LOC400499: variants seen among roughly 807,000 people sequenced by gnomAD.
chr16:11,456,568 G>A, the LOC400499 span, among the ~76,000 whole-genome samples: 1 of 152,132 alleles, frequency 6.6e-6, no homozygotes, highest in Non-Finnish European at 1.5e-5. Flanking sequence ...AAGCATCACG[G>A]CACTCATTAA....
At chr16:11,498,913 G>A in the LOC400499 span, among the ~76,000 whole-genome samples, 5 of 150,454 alleles carry the variant, frequency 3.3e-5, no homozygotes, top group East Asian at 9.8e-4. Context: ...GAAAATTGAG[G>A]CCTGGGAAAG....
chr16:11,425,287 G>A, the LOC400499 span: 3 of 399,174 alleles, frequency 7.5e-6, no homozygotes, highest in Non-Finnish European at 1.3e-5. Context: ...CGGCCCTTCA[G>A]CTGGAGCTCT....
chr16:11,518,641 C>G, the LOC400499 span, among the ~76,000 whole-genome samples: 1 of 152,142 alleles, frequency 6.6e-6, no homozygotes. Context: ...CTGCGGCTAT[C>G]TGGAGTCACC....
chr16:11,466,165 C>A, the LOC400499 span, among the ~76,000 whole-genome samples: 131 of 152,112 alleles, frequency 8.6e-4, no homozygotes, highest in Non-Finnish European at 1.8e-3. Context: ...CATGTGCTGA[C>A]TGTGTGCATA....
the LOC400499 span, chr16:11,508,679 A>C: frequency 5.3e-5 from 21 of 399,056 alleles, no homozygotes; most frequent in African/African-American, 4.3e-4. Context: ...CTCAGGGCCA[A>C]GAAAGACTCT....
the LOC400499 span, chr16:11,424,185 A>G: frequency 5.3e-5 from 21 of 399,322 alleles, no homozygotes; most frequent in Non-Finnish European, 8.0e-5. Flanking sequence ...GGTGTGACGG[A>G]GGCTGGCATG....
chr16:11,396,524 G>C, the LOC400499 span: 1 of 1,232,218 alleles, frequency 8.1e-7, no homozygotes, highest in Non-Finnish European at 1.0e-6. Flanking sequence ...CAGTGCCCCG[G>C]AGAAGTCAGC....
chr16:11,423,873 G>A, the LOC400499 span, among the ~76,000 whole-genome samples: 1 of 152,210 alleles, frequency 6.6e-6, no homozygotes, highest in Non-Finnish European at 1.5e-5. Flanking sequence ...ACCTCCAGCT[G>A]GGAGGGCAGG....
At chr16:11,463,953 G>A in the LOC400499 span, among the ~76,000 whole-genome samples, 70 of 152,244 alleles carry the variant, frequency 4.6e-4, no homozygotes, top group East Asian at 9.1e-3. Context: ...TGTACACCAC[G>A]GACATGTGAA....
the LOC400499 span, among the ~76,000 whole-genome samples, chr16:11,485,974 G>A: frequency 6.4e-4 from 97 of 152,300 alleles, no homozygotes; most frequent in Non-Finnish European, 1.3e-3. Context: ...TCCATGTATG[G>A]GTAGGAGGGT....
At chr16:11,384,274 AGCTCATTGCCT>A in the LOC400499 span, 2 of 1,232,270 alleles carry the variant, frequency 1.6e-6, no homozygotes. Context: ...CGGCAACATC[AGCTCATTGCCT>A]GCTTCATTGT....
the LOC400499 span, among the ~76,000 whole-genome samples, chr16:11,410,947 A>C: frequency 1.3e-5 from 2 of 152,162 alleles, no homozygotes; most frequent in Non-Finnish European, 2.9e-5. Context: ...AGCTTCTACA[A>C]GTGTGCCAGG....
At chr16:11,466,234 G>A in the LOC400499 span, among the ~76,000 whole-genome samples, 8 of 152,298 alleles carry the variant, frequency 5.3e-5, no homozygotes, top group African/African-American at 1.9e-4. Context: ...TTCAGGAGGG[G>A]TGGGAGAGAG....
At chr16:11,386,008 C>G in the LOC400499 span, among the ~76,000 whole-genome samples, 3 of 152,156 alleles carry the variant, frequency 2.0e-5, no homozygotes. Context: ...TGCACTCCAG[C>G]CAGGACAACA....
the LOC400499 span, among the ~76,000 whole-genome samples, chr16:11,497,927 TACTC>T: frequency 6.6e-6 from 1 of 152,194 alleles, no homozygotes; most frequent in Non-Finnish European, 1.5e-5. Flanking sequence ...CTGTTTAAAA[TACTC>T]ACTTTTTCAT....
At chr16:11,432,014 C>T in the LOC400499 span, among the ~76,000 whole-genome samples, 1 of 152,196 alleles carries the variant, frequency 6.6e-6, no homozygotes, top group Admixed American at 6.5e-5. Context: ...TCTGACCAGC[C>T]TGAGACCGCC....
chr16:11,478,041 G>C, the LOC400499 span: 1 of 396,452 alleles, frequency 2.5e-6, no homozygotes, highest in Non-Finnish European at 4.5e-6. Flanking sequence ...GGCCGGGCTC[G>C]GTGGCTCACG....
the LOC400499 span, among the ~76,000 whole-genome samples, chr16:11,444,066 C>T: frequency 6.6e-6 from 1 of 152,024 alleles, no homozygotes; most frequent in African/African-American, 2.4e-5. Context: ...GTCTCGAACA[C>T]CTGACCTCAA....
chr16:11,390,306 C>T, the LOC400499 span: 3 of 1,232,978 alleles, frequency 2.4e-6, no homozygotes, highest in Non-Finnish European at 3.0e-6. Context: ...TCATGGCCCC[C>T]AGGGCCGCCC....
Sources: allele counts gnomAD v4.1 joint callset (sites outside exome capture counted in the v4.1 genomes callset), GRCh38; gene constraint gnomAD v4.1.1; transcripts MANE v1.5.